Variants in RSBN1 observed in about 807,000 individuals in gnomAD.
The protein encoded by RSBN1 is lysine-specific demethylase 9.
RSBN1 carries 23 observed loss-of-function variants against 74.8 expected under a neutral mutation model. The ratio of observed to expected loss-of-function variants is 0.31; its 90% CI spans 0.22 to 0.44. The LOEUF is 0.44. Ranked by LOEUF, RSBN1 falls within the 20% of genes least tolerant of loss-of-function variation. The pLI is 1.00. For synonymous variants in RSBN1, 407 were observed against 379.6 expected, an observed-to-expected ratio of 1.07 and a Z score of -0.84; for missense variants, 808 against 1,020.9, an observed-to-expected ratio of 0.79 and a Z score of 2.84.
Position 113,797,644 on chromosome 1 carries a change from A to C in RSBN1, c.1096T>G (p.Ser366Ala), listed in dbSNP as rs1053110015. 3 of 1,614,082 alleles carry C rather than the reference A, an allele frequency of 1.9e-6. No homozygotes were observed. The highest frequency in any genetic ancestry group is 2.5e-6 in the Non-Finnish European group (3 of 1,180,010). The change falls in exon 2 of 7, where the codon TCC (serine) becomes GCC (alanine). Residue 366 changes from serine (S) to alanine (A), a missense_variant. By Grantham distance (99) the Ser-to-Ala change is moderately conservative (BLOSUM62 1). Transcript: ENST00000261441. ...TGAAGGACAAGAGCACCACCATTGG[A>C]CTGGTGTTCCTCATGAATAAAGTTG... ...FSNFIHEEHQSNGGALVLHAY... is the reference protein window; with the variant it reads ...FSNFIHEEHQANGGALVLHAY...
intron 1 of RSBN1, among the ~76,000 whole-genome samples, chr1:113,808,479 A>C (rs561491337): frequency 4.1e-4 from 62 of 152,358 alleles, no homozygotes; most frequent in Middle Eastern, 3.4e-3. Flanking sequence ...AATTGTATTT[A>C]CCATACGACC....
chr1:113,762,771 TTAAG>T lies in RSBN1; in HGVS notation c.*3205_*3208del, dbSNP rs1213177986. 6.5e-6 allele frequency: 1 copy of T among 152,782 alleles called. No homozygotes were observed. The highest frequency in any genetic ancestry group is 1.5e-5 in the Non-Finnish European group (1 of 68,016). 9.5% of individuals were successfully genotyped at this position (152,782 alleles called of 1,614,324 possible). A position where few individuals can be genotyped will look rare whatever the true frequency, so the allele number is the denominator to read the frequency against. On this transcript the variant is annotated 3_prime_UTR_variant, in exon 7 of 7. Coordinates refer to ENST00000261441, the MANE Select transcript of RSBN1 (RefSeq NM_018364.5). The stretch of plus-strand genomic sequence containing the variant: ...GCAATAAGCAAGTTTTTTCCAGTCA[TTAAG>T]TGTGACTTTTATGCCTAGTAAGACT...
At chr1:113,772,637 T>G (rs1267354256) in intron 4 of RSBN1, among the ~76,000 whole-genome samples, 1 of 152,222 alleles carries the variant, frequency 6.6e-6, no homozygotes, top group Non-Finnish European at 1.5e-5. Flanking sequence ...TTCTCACATT[T>G]TTATTCCACC....
chr1:113,770,112 T>C (rs1351760004), intron 4 of RSBN1, among the ~76,000 whole-genome samples: 1 of 152,146 alleles, frequency 6.6e-6, no homozygotes, highest in East Asian at 1.9e-4. Context: ...CAGTGACTGA[T>C]TTAGGAATAG....
intron 2 of RSBN1, among the ~76,000 whole-genome samples, chr1:113,779,079 CA>C (rs1160561491): frequency 3.3e-5 from 5 of 152,196 alleles, no homozygotes; most frequent in African/African-American, 1.2e-4. Flanking sequence ...CACTTCAGAT[CA>C]GTTACCTAGC....
intron 1 of RSBN1, among the ~76,000 whole-genome samples, chr1:113,811,198 CA>C (rs1660835359): frequency 6.6e-6 from 1 of 152,046 alleles, no homozygotes; most frequent in Non-Finnish European, 1.5e-5. Flanking sequence ...TAAAAAGAAC[CA>C]AGATAAACTG....
intron 4 of RSBN1, among the ~76,000 whole-genome samples, chr1:113,769,705 T>C (rs896246987): frequency 2.6e-5 from 4 of 152,098 alleles, no homozygotes; most frequent in African/African-American, 9.7e-5. Flanking sequence ...AATAAAACTG[T>C]GCAGAGAAAG....
At chr1:113,809,470 A>T (rs1660785644) in intron 1 of RSBN1, among the ~76,000 whole-genome samples, 1 of 152,224 alleles carries the variant, frequency 6.6e-6, no homozygotes, top group East Asian at 1.9e-4. Context: ...TATCAGTCAA[A>T]CTATGTGCAA....
chr1:113,768,929 T>A (rs201017151), intron 4 of RSBN1, among the ~76,000 whole-genome samples: 332 of 150,690 alleles, frequency 2.2e-3, no homozygotes, highest in Admixed American at 3.4e-3. Flanking sequence ...AAAAAAAAAA[T>A]ATATATATAT....
chr1:113,802,703 CTT>C (rs1012438227), intron 1 of RSBN1, among the ~76,000 whole-genome samples: 1 of 143,884 alleles, frequency 7.0e-6, no homozygotes, highest in Non-Finnish European at 1.5e-5. Flanking sequence ...TAAGCCTTTA[CTT>C]TTTTTTTTTT....
Position 113,811,960 on chromosome 1 carries a change from C to T in RSBN1, c.453G>A (p.Leu151=), listed in dbSNP as rs774289492. The change falls in exon 1 of 7, where the codon CTG becomes CTA. Residue 151 remains leucine (L), a synonymous_variant. Coordinates refer to ENST00000261441, the MANE Select transcript of RSBN1 (RefSeq NM_018364.5). ...CAGCGACAGCGGGCCCGGCGGGTGC[C>T]AGCGAAGGTGGCGGCGGAGGCGGCA... ...LLLPPPPPPS[L]APAGPAVAAP... is the part of the protein sequence containing the mutation. 48 of 1,584,832 alleles carry T rather than the reference C, an allele frequency of 3.0e-5. No individual in the cohort carries two copies. The highest frequency in any genetic ancestry group is 4.1e-5 in the Non-Finnish European group (48 of 1,165,156).
intron 2 of RSBN1, among the ~76,000 whole-genome samples, chr1:113,784,412 T>C (rs988594973): frequency 3.3e-5 from 5 of 152,174 alleles, no homozygotes; most frequent in African/African-American, 4.8e-5. Flanking sequence ...AGCATGTTAT[T>C]GTACTGAATA....
In RSBN1 at chr1:113,763,996, C is replaced by G. The variant is rs913359131; in HGVS notation, c.*1984G>C. ...TTCTCTTCATGATTATTTTTAAAAG[C>G]AAATGTTGCCTGAGAAGAATTTTAC... On this transcript the variant is annotated 3_prime_UTR_variant, in exon 7 of 7. Coordinates refer to ENST00000261441, the MANE Select transcript of RSBN1 (RefSeq NM_018364.5). 25 of 152,246 alleles carry G rather than the reference C, an allele frequency of 1.6e-4. No individual in the cohort carries two copies. The highest frequency in any genetic ancestry group is 7.9e-4 in the Admixed American group (12 of 15,278). 9.4% of individuals were successfully genotyped at this position (152,246 alleles called of 1,614,324 possible).
intron 1 of RSBN1, among the ~76,000 whole-genome samples, chr1:113,805,799 G>T (rs1274558781): frequency 6.6e-6 from 1 of 152,198 alleles, no homozygotes; most frequent in African/African-American, 2.4e-5. Flanking sequence ...GAACTGCTGT[G>T]CAGGAAGGAA....
rs562827029 is a variant in RSBN1, at chr1:113,810,140, G to A, written c.703+1570C>T. ...AAGGAGTGGAAAAAATGAATAGCAG[G>A]AAGAGAAAGCAACATCATGAAGCCT... On this transcript the variant is annotated intron_variant, in intron 1 of 6. Coordinates refer to ENST00000261441, the MANE Select transcript of RSBN1 (RefSeq NM_018364.5). 5.3e-5 allele frequency among the ~76,000 whole-genome samples: 8 copies of A among 152,296 alleles called. No homozygotes were observed. In the South Asian group the frequency reaches 1.4e-3, roughly 28 times the overall value.
intron 2 of RSBN1, among the ~76,000 whole-genome samples, chr1:113,791,387 T>C (rs1395427493): frequency 6.6e-6 from 1 of 152,220 alleles, no homozygotes; most frequent in Non-Finnish European, 1.5e-5. Flanking sequence ...AATTTCTGAA[T>C]TAAGTAAGCT....
At chr1:113,779,751 G>A (rs905083577) in intron 2 of RSBN1, among the ~76,000 whole-genome samples, 4 of 152,266 alleles carry the variant, frequency 2.6e-5, no homozygotes, top group African/African-American at 4.8e-5. Flanking sequence ...GGCCAGGCAC[G>A]GTGGTGCATG....
At chr1:113,773,935 G>A (rs781165530) in intron 4 of RSBN1, among the ~76,000 whole-genome samples, 14 of 151,168 alleles carry the variant, frequency 9.3e-5, no homozygotes, top group South Asian at 6.3e-4. Context: ...TCCGGGAGGC[G>A]GAGGTTGCAG....
chr1:113,765,768 C>G lies in RSBN1; in HGVS notation c.*212G>C. On this transcript the variant is annotated 3_prime_UTR_variant, in exon 7 of 7. Coordinates refer to ENST00000261441, the MANE Select transcript of RSBN1 (RefSeq NM_018364.5). ...AAAACAGAAAGTAGCAGCAGACCCA[C>G]TATTACATACTGTACTAACGGGATA... The G allele has an allele frequency of 2.1e-6, 1 of 480,476 alleles. No homozygotes were observed. 29.8% of individuals were successfully genotyped at this position (480,476 alleles called of 1,614,324 possible).
Sources: gnomAD v4.1 joint callset for allele counts (sites outside exome capture counted in the v4.1 genomes callset) on GRCh38, gnomAD v4.1.1 for gene constraint, MANE v1.5 for transcripts, NCBI Gene and HGNC (gene_info 2026-07-23, HGNC 2026-07-21) for gene names.